The following TCF4 variants were observed in gnomAD, a reference collection of about 807,000 sequenced individuals.
TCF4 encodes the protein SL3-3 enhancer factor 2.
A neutral mutation model predicts 82.1 loss-of-function variants in TCF4; 3 were observed. That is an observed-to-expected ratio of 0.04 (90% CI 0.02 to 0.09). TCF4 has a LOEUF of 0.09. Among genes scored for constraint, TCF4 ranks in the 10% least tolerant of loss-of-function variants. The pLI is 1.00. For synonymous variants in TCF4, 276 were observed against 309.6 expected, an observed-to-expected ratio of 0.89 and a Z score of 1.14; for missense variants, 518 against 852.7, an observed-to-expected ratio of 0.61 and a Z score of 4.89.
chr18:55,503,285 TAGAA>T (rs1488128078), intron 3 of TCF4, among the ~76,000 whole-genome samples: 1 of 152,188 alleles, frequency 6.6e-6, no homozygotes, highest in East Asian at 1.9e-4. Context: ...AATTCGAAGT[TAGAA>T]AGCCGAAAAT....
intron 2 of TCF4, among the ~76,000 whole-genome samples, chr18:55,600,587 A>G (rs544365823): frequency 2.0e-5 from 3 of 152,234 alleles, no homozygotes; most frequent in African/African-American, 7.2e-5. Flanking sequence ...AGGTTGTTCA[A>G]ATGTGCTTTC....
chr18:55,504,995 G>A (rs950794486), intron 3 of TCF4, among the ~76,000 whole-genome samples: 2 of 152,144 alleles, frequency 1.3e-5, no homozygotes, highest in African/African-American at 4.8e-5. Context: ...ATAGTGCCCA[G>A]TTATCCGTCT....
intron 3 of TCF4, among the ~76,000 whole-genome samples, chr18:55,466,828 G>A (rs2096034778): frequency 6.6e-6 from 1 of 152,272 alleles, no homozygotes; most frequent in Middle Eastern, 3.4e-3. Flanking sequence ...TCAAAAGCGA[G>A]CAATCCACTA....
chr18:55,279,477 C>G, intron 9 of TCF4, 74 bp downstream of exon 9: 2 of 1,605,158 alleles, frequency 1.2e-6, no homozygotes, highest in Non-Finnish European at 1.7e-6. Context: ...ATTTCTTCTG[C>G]CCCATCTGTG....
intron 3 of TCF4, among the ~76,000 whole-genome samples, chr18:55,486,818 T>C (rs982859840): frequency 6.6e-6 from 1 of 152,096 alleles, no homozygotes; most frequent in African/African-American, 2.4e-5. Flanking sequence ...ATCTGGGACT[T>C]CTCCATAGAA....
intron 8 of TCF4, among the ~76,000 whole-genome samples, chr18:55,346,328 C>T (rs2081172797): frequency 6.6e-6 from 1 of 152,058 alleles, no homozygotes; most frequent in Non-Finnish European, 1.5e-5. Context: ...ATTCTTGAAG[C>T]GTCCAAACCT....
intron 8 of TCF4, chr18:55,302,461 G>A (rs1411301048): frequency 6.5e-7 from 1 of 1,536,220 alleles, no homozygotes; most frequent in Non-Finnish European, 8.7e-7. Flanking sequence ...CTGTATCTGA[G>A]CATCTGCATT....
chr18:55,333,178 ACC>A (rs1273837851), intron 8 of TCF4, among the ~76,000 whole-genome samples: 1 of 152,178 alleles, frequency 6.6e-6, no homozygotes, highest in Non-Finnish European at 1.5e-5. Flanking sequence ...TCAAAGAGAC[ACC>A]TGGTAGCAAT....
rs1002892672 is a variant in TCF4 at position 55,321,987 on chromosome 18, G to A, written c.549+28372C>T. 2.4e-6 allele frequency: 3 copies of A among 1,254,602 alleles called. No individual in the cohort carries two copies. In the African/African-American group the frequency reaches 4.6e-5, roughly 19 times the overall value. 77.7% of individuals were successfully genotyped at this position (1,254,602 alleles called of 1,614,324 possible). A position where few individuals can be genotyped will look rare whatever the true frequency, so the allele number is the denominator to read the frequency against. Reference sequence around the variant, plus strand: ...CCCTGATGGAGCTCGAAATCCTAATGCATACGCGAGATCGATTCAACTTTT... The same window carrying A: ...CCCTGATGGAGCTCGAAATCCTAATACATACGCGAGATCGATTCAACTTTT... On this transcript the variant is annotated intron_variant, in intron 8 of 19. Transcript: ENST00000354452.
chr18:55,291,883 C>T (rs1228263602), intron 8 of TCF4, among the ~76,000 whole-genome samples: 1 of 152,080 alleles, frequency 6.6e-6, no homozygotes, highest in African/African-American at 2.4e-5. Context: ...TTATGAAGTA[C>T]AATAAGCAAC....
At chr18:55,361,274 C>T (rs2085110723) in intron 6 of TCF4, among the ~76,000 whole-genome samples, 1 of 152,066 alleles carries the variant, frequency 6.6e-6, no homozygotes, top group African/African-American at 2.4e-5. Flanking sequence ...CCACCCATAG[C>T]CAATCTAGTA....
intron 18 of TCF4, 92 bp from the exon 19 acceptor site, chr18:55,228,453 C>G: frequency 6.5e-7 from 1 of 1,541,188 alleles, no homozygotes; most frequent in Non-Finnish European, 8.9e-7. Flanking sequence ...TGACCTTTTT[C>G]TCAGTGTTTA....
rs142713952 is a variant in TCF4, at chr18:55,486,444, T to C, written c.146-22307A>G. 3.2e-3 allele frequency among the ~76,000 whole-genome samples: 483 copies of C among 151,866 alleles called. 2 individuals carry two copies. The highest frequency in any genetic ancestry group is 0.01 in the African/African-American group (431 of 41,400). On this transcript the variant is annotated intron_variant, in intron 3 of 19. Transcript: ENST00000354452. ...CCATCTCTACTAAAAATACAAAAAT[T>C]AGCCGGGCGTGGTGGCGCACACCTG...
At chr18:55,403,561 T>C in intron 5 of TCF4, 43 bp from the exon 6 acceptor site, 1 of 1,613,670 alleles carries the variant, frequency 6.2e-7, no homozygotes, top group South Asian at 1.1e-5. Flanking sequence ...GTGTTTTTCC[T>C]TAAAAAAAAA....
intron 8 of TCF4, among the ~76,000 whole-genome samples, chr18:55,311,815 AAAT>A (rs760243449): frequency 2.0e-5 from 3 of 152,238 alleles, no homozygotes; most frequent in Non-Finnish European, 2.9e-5. Flanking sequence ...GCAATAATCA[AAAT>A]AATACTCTGC....
chr18:55,424,057 T>C (rs2094886674), intron 5 of TCF4, among the ~76,000 whole-genome samples: 2 of 152,146 alleles, frequency 1.3e-5, no homozygotes, highest in Non-Finnish European at 2.9e-5. Context: ...CGCTCATTAA[T>C]TTTTAAGGGT....
At chr18:55,560,921 A>T (rs1323282567) in intron 3 of TCF4, among the ~76,000 whole-genome samples, 1 of 152,260 alleles carries the variant, frequency 6.6e-6, no homozygotes, top group Admixed American at 6.5e-5. Context: ...TTTCCTATAG[A>T]AATGTATCAT....
chr18:55,528,744 A>C lies in TCF4; in HGVS notation c.145+56536T>G, dbSNP rs529102604. Reference sequence around the variant, plus strand: ...AATTTATGTCTCTTCATTATTGACTATTTGAAATTCCAAAAAGAATCTGAA... The same window carrying C: ...AATTTATGTCTCTTCATTATTGACTCTTTGAAATTCCAAAAAGAATCTGAA... On this transcript the variant is annotated intron_variant, in intron 3 of 19. Transcript: ENST00000354452. Among the ~76,000 whole-genome samples, 17 of 152,318 alleles carry C rather than the reference A, an allele frequency of 1.1e-4. No individual in the cohort carries two copies. The East Asian group carries it at 3.1e-3, about 28-fold the overall frequency.
chr18:55,390,240 C>T (rs1201058735), intron 6 of TCF4, among the ~76,000 whole-genome samples: 5 of 141,202 alleles, frequency 3.5e-5, no homozygotes, highest in Admixed American at 7.5e-5. Flanking sequence ...TCACTCTGGC[C>T]GGGAGTTCAA....
Sources: gnomAD v4.1 joint callset for allele counts (sites outside exome capture counted in the v4.1 genomes callset) on GRCh38, gnomAD v4.1.1 for gene constraint, MANE v1.5 for transcripts, NCBI Gene and HGNC (gene_info 2026-07-23, HGNC 2026-07-21) for gene names.